The following IRAG1 variants were observed in gnomAD, a reference collection of about 807,000 sequenced individuals.
The protein encoded by IRAG1 is IP3R-associated cGMP kinase substrate.
Under a neutral mutation model 106.2 loss-of-function variants are expected in IRAG1, and 62 were observed. The observed-to-expected ratio is 0.58, with a 90% CI of 0.48 to 0.72. IRAG1 has a LOEUF of 0.72. IRAG1 is among the 30% of genes least tolerant of loss of function. The pLI is 0.00. For missense variants in IRAG1, 1,064 were observed against 1,140.7 expected, an observed-to-expected ratio of 0.93 and a Z score of 0.97; for synonymous variants, 462 against 443.9, an observed-to-expected ratio of 1.04 and a Z score of -0.51.
At chr11:10,591,670 A>G in intron 17 of IRAG1, 58 bp from the exon 18 acceptor site, 1 of 1,458,320 alleles carries the variant, frequency 6.9e-7, no homozygotes. Flanking sequence ...AAGAAGCCAG[A>G]GCTGCTGGAT....
intron 1 of IRAG1, among the ~76,000 whole-genome samples, chr11:10,661,910 C>A (rs758756221): frequency 1.3e-5 from 2 of 152,178 alleles, no homozygotes; most frequent in African/African-American, 2.4e-5. Context: ...TCCCAGGGTA[C>A]TTTGCCCAGA....
chr11:10,579,178 T>C (rs1851138301), intron 20 of IRAG1, among the ~76,000 whole-genome samples: 1 of 152,208 alleles, frequency 6.6e-6, no homozygotes, highest in Non-Finnish European at 1.5e-5. Flanking sequence ...TAACGGCTCT[T>C]CCCCTGAACA....
intron 10 of IRAG1, 75 bp from the exon 11 acceptor site, chr11:10,609,926 C>A: frequency 6.9e-7 from 1 of 1,458,354 alleles, no homozygotes. Flanking sequence ...GCTTCAGGAG[C>A]TTTGACATTT....
Position 10,575,252 on chromosome 11 carries a change from C to A in IRAG1, c.*1080G>T, listed in dbSNP as rs574078420. 10 of 152,282 alleles carry A rather than the reference C, an allele frequency of 6.6e-5. No individual in the cohort carries two copies. The East Asian group carries it at 1.9e-3, about 29-fold the overall frequency. The allele number at this position is 152,282 out of a possible 1,614,324, so 9.4% of individuals were successfully genotyped here. A position where few individuals can be genotyped will look rare whatever the true frequency, so the allele number is the denominator to read the frequency against. On this transcript the variant is annotated 3_prime_UTR_variant, in exon 21 of 21. Coordinates refer to ENST00000423302, the MANE Select transcript of IRAG1 (RefSeq NM_130385.4). ...CCCCTAATTATACTGGGGTTGGAAA[C>A]CCCATTTGAACTGAAGCACTGAGGT...
At chr11:10,684,378 C>A (rs888344193) in intron 1 of IRAG1, among the ~76,000 whole-genome samples, 3 of 151,866 alleles carry the variant, frequency 2.0e-5, no homozygotes, top group Admixed American at 1.3e-4. Flanking sequence ...AACACTGCAT[C>A]TTCTCACTCA....
At position 10,693,571 on chromosome 11, in the gene IRAG1, A is replaced by G. The variant is rs1862230135; in HGVS notation, c.32T>C (p.Leu11Pro). 1 of 1,535,576 alleles carries G rather than the reference A, an allele frequency of 6.5e-7. No homozygotes were observed. Among genetic ancestry groups the G allele is most frequent in the Non-Finnish European group, 8.7e-7 (1 of 1,146,892 alleles). ...GTTATTCTCCTTTCCTCCTCTGGCC[A>G]GCCTCTCTTCACTCTGGGGAGCTTT... MVKAPQSEER[L>P]ARGGKENNSV... is the part of the protein sequence containing the mutation. Residue 11 changes from leucine to proline, a missense_variant, in exon 1 of 21, where the codon CTG becomes CCG. Physicochemically the swap from Leu to Pro is moderately conservative, Grantham distance 98. Transcript: ENST00000423302.
intron 11 of IRAG1, 48 bp from the exon 12 acceptor site, chr11:10,606,820 AG>A (rs1854514119): frequency 6.5e-7 from 1 of 1,535,176 alleles, no homozygotes; most frequent in Non-Finnish European, 8.8e-7. Flanking sequence ...CCTAGTCAAT[AG>A]ACCCAAAGGT....
At chr11:10,638,537 T>C (rs1293703340) in intron 2 of IRAG1, among the ~76,000 whole-genome samples, 3 of 152,264 alleles carry the variant, frequency 2.0e-5, no homozygotes, top group Non-Finnish European at 4.4e-5. Context: ...CGCGGGCTTC[T>C]TTCCCTGGAT....
At chr11:10,584,460 T>C (rs1036060553) in intron 18 of IRAG1, among the ~76,000 whole-genome samples, 1 of 151,266 alleles carries the variant, frequency 6.6e-6, no homozygotes, top group Non-Finnish European at 1.5e-5. Flanking sequence ...CTTGGCCTAA[T>C]GTGCAGTTTC....
intron 2 of IRAG1, among the ~76,000 whole-genome samples, chr11:10,643,804 T>A (rs1857729910): frequency 6.9e-6 from 1 of 145,948 alleles, no homozygotes; most frequent in Admixed American, 6.8e-5. Context: ...GAGATACACA[T>A]GTGAAAGGCA....
intron 10 of IRAG1, among the ~76,000 whole-genome samples, chr11:10,619,969 T>C (rs557498762): frequency 1.3e-5 from 2 of 152,342 alleles, no homozygotes; most frequent in Admixed American, 6.5e-5. Flanking sequence ...TCTTATGCCC[T>C]ATTAATATTG....
chr11:10,687,889 T>C (rs1589985089), intron 1 of IRAG1: 2 of 891,742 alleles, frequency 2.2e-6, no homozygotes, highest in Non-Finnish European at 1.5e-6. Context: ...GGGGGGGTGG[T>C]ATTTAACTTT....
chr11:10,594,692 TCTC>T (rs2134237478), intron 15 of IRAG1, among the ~76,000 whole-genome samples: 1 of 152,188 alleles, frequency 6.6e-6, no homozygotes, highest in East Asian at 1.9e-4. Context: ...AGGATTTTCT[TCTC>T]CTTACTACAT....
intron 10 of IRAG1, among the ~76,000 whole-genome samples, chr11:10,620,038 A>C (rs1001726693): frequency 6.6e-6 from 1 of 152,216 alleles, no homozygotes; most frequent in Non-Finnish European, 1.5e-5. Flanking sequence ...TTGTAAGCTA[A>C]TCTGGCAGTG....
intron 10 of IRAG1, among the ~76,000 whole-genome samples, chr11:10,621,931 GATC>G (rs1855867130): frequency 6.6e-6 from 1 of 152,102 alleles, no homozygotes; most frequent in Non-Finnish European, 1.5e-5. Context: ...AGTAGAAGGT[GATC>G]ACCAGGGGCT....
At chr11:10,682,853 C>G (rs1861371530) in intron 1 of IRAG1, among the ~76,000 whole-genome samples, 1 of 152,140 alleles carries the variant, frequency 6.6e-6, no homozygotes, top group African/African-American at 2.4e-5. Flanking sequence ...CACATTTATA[C>G]CCCACAATCC....
chr11:10,643,899 C>T (rs58947230), intron 2 of IRAG1, among the ~76,000 whole-genome samples: 1,614 of 152,336 alleles, frequency 0.011, 30 homozygotes, highest in African/African-American at 0.035. Flanking sequence ...TCATTGCTCA[C>T]AATAGGAACT....
chr11:10,671,047 A>C (rs148637359), intron 1 of IRAG1, among the ~76,000 whole-genome samples: 3,205 of 152,352 alleles, frequency 0.021, 64 homozygotes, highest in Middle Eastern at 0.037. Flanking sequence ...TCAAACATTT[A>C]ATCTTTGAAA....
At chr11:10,607,192 T>C (rs1357761391) in intron 11 of IRAG1, among the ~76,000 whole-genome samples, 2 of 152,206 alleles carry the variant, frequency 1.3e-5, no homozygotes, top group Admixed American at 6.5e-5. Context: ...AGAAAATGCA[T>C]GTGATAAGGA....
Sources: gnomAD v4.1 joint callset for allele counts (sites outside exome capture counted in the v4.1 genomes callset) on GRCh38, gnomAD v4.1.1 for gene constraint, MANE v1.5 for transcripts, NCBI Gene and HGNC (gene_info 2026-07-23, HGNC 2026-07-21) for gene names.